TNFRSF8: variants seen among roughly 807,000 people sequenced by gnomAD.
The protein encoded by TNFRSF8 is tumor necrosis factor receptor superfamily member 8.
In TNFRSF8, 26 loss-of-function variants were observed where a neutral mutation model predicts 70.8. The ratio of observed to expected loss-of-function variants is 0.37; its 90% CI spans 0.27 to 0.51. The LOEUF is 0.51. Ranked by LOEUF, TNFRSF8 falls within the 20% of genes least tolerant of loss-of-function variation. The pLI, the probability that TNFRSF8 is intolerant of heterozygous loss-of-function variation, is 0.94. For synonymous variants in TNFRSF8, 356 were observed against 339.2 expected (o/e 1.05, Z -0.54); for missense variants, 720 against 807.9 (o/e 0.89, Z 1.32).
intron 11 of TNFRSF8, 44 bp from the exon 12 acceptor site, chr1:12,126,139 C>T: frequency 6.2e-7 from 1 of 1,614,032 alleles, no homozygotes; most frequent in Non-Finnish European, 8.5e-7. Context: ...TGCTCCTGCT[C>T]TCTGAGGCCG....
In TNFRSF8 at chr1:12,112,067, C is replaced by T. The variant is rs1185523101; in HGVS notation, c.793+53C>T. On this transcript the variant is annotated intron_variant, in intron 7 of 14. Coordinates refer to ENST00000263932, the MANE Select transcript of TNFRSF8 (RefSeq NM_001243.5). This position sits in a 1 kb window ranked among gnomAD's most constrained non-coding sequence, Gnocchi z 5.3. ...CAGTTTACCTCTCTGCATTTTTGAA[C>T]CGTGAACTTCCAGTAACTACTCCCC... 4.4e-6 allele frequency: 6 copies of T among 1,367,970 alleles called. No individual in the cohort carries two copies. In the Admixed American group the frequency reaches 9.3e-5, roughly 21 times the overall value. The allele number at this position is 1,367,970 out of a possible 1,614,324, so 84.7% of individuals were successfully genotyped here.
In TNFRSF8 at chr1:12,111,921, C is replaced by T; in HGVS notation, c.700C>T (p.Pro234Ser). 1 of 1,614,180 alleles carries T rather than the reference C, an allele frequency of 6.2e-7. No individual in the cohort carries two copies. The highest frequency in any genetic ancestry group is 8.5e-7 in the Non-Finnish European group (1 of 1,180,026). Reference protein sequence around the residue: ...DPGLSPTQPCPEGSGDCRKQC... With the variant: ...DPGLSPTQPCSEGSGDCRKQC... ...AGGTCTGTCCCCAACACAGCCATGC[C>T]CAGAGGGGTCTGGTGATTGCAGAAA... Residue 234 changes from proline to serine, a missense_variant, in exon 7 of 15, where the codon CCA becomes TCA. By Grantham distance (74) the Pro-to-Ser change is moderately conservative. Transcript: ENST00000263932.
intron 8 of TNFRSF8, among the ~76,000 whole-genome samples, chr1:12,118,769 G>A (rs1254970066): frequency 6.6e-6 from 1 of 152,222 alleles, no homozygotes; most frequent in Non-Finnish European, 1.5e-5. Flanking sequence ...TCCTCTGTAG[G>A]GAGCATGCAG....
chr1:12,090,421 C>T (rs1172118387), intron 2 of TNFRSF8, among the ~76,000 whole-genome samples: 4 of 151,684 alleles, frequency 2.6e-5, no homozygotes, highest in Admixed American at 6.6e-5. Context: ...ACCCATCTAC[C>T]CACCCATCCA....
chr1:12,129,802 C>T (rs1463713749), intron 12 of TNFRSF8, among the ~76,000 whole-genome samples: 1 of 152,204 alleles, frequency 6.6e-6, no homozygotes, highest in Non-Finnish European at 1.5e-5. Flanking sequence ...GGCCTCTCCA[C>T]TGTGACGTCT....
chr1:12,116,757 A>G (rs534735783), intron 8 of TNFRSF8, among the ~76,000 whole-genome samples: 23 of 152,026 alleles, frequency 1.5e-4, no homozygotes, highest in Non-Finnish European at 3.1e-4. Context: ...CCGAGATTGC[A>G]CCACTGAACT....
intron 12 of TNFRSF8, among the ~76,000 whole-genome samples, chr1:12,130,616 G>A (rs1227625953): frequency 1.3e-5 from 2 of 152,246 alleles, no homozygotes; most frequent in Non-Finnish European, 2.9e-5. Context: ...ACTAAAAGTG[G>A]AGAATAACAG....
chr1:12,079,017 C>T (rs1641016367), intron 1 of TNFRSF8, among the ~76,000 whole-genome samples: 1 of 152,162 alleles, frequency 6.6e-6, no homozygotes, highest in South Asian at 2.1e-4. Flanking sequence ...GTGGAGATCC[C>T]CAGGAGACAG....
intron 2 of TNFRSF8, 60 bp downstream of exon 2, chr1:12,084,611 T>A: frequency 6.9e-7 from 1 of 1,457,126 alleles, no homozygotes. Context: ...TTGATGACCC[T>A]CTTGGGGGAT....
rs1182617962 is a variant in TNFRSF8 at position 12,119,574 on chromosome 1, G to A, written c.947-3710G>A. Among the ~76,000 whole-genome samples, 2 of 143,634 alleles carry A rather than the reference G, an allele frequency of 1.4e-5. No homozygotes were observed. The highest frequency in any genetic ancestry group is 2.6e-5 in the African/African-American group (1 of 38,142). The allele number at this position is 143,634 out of a possible 152,430, so 94.2% of individuals were successfully genotyped here. A position where few individuals can be genotyped will look rare whatever the true frequency, so the allele number is the denominator to read the frequency against. ...AATATTCTTTTTTTTTTTTTAACAT[G>A]TATGAATTTATCTTATATCTTTTAT... is the stretch of plus-strand genomic sequence containing the variant. On this transcript the variant is annotated intron_variant, in intron 8 of 14. Transcript: ENST00000263932. This position sits in a 1 kb window ranked among gnomAD's most constrained non-coding sequence, Gnocchi z 4.4.
At position 12,112,328 on chromosome 1, in the gene TNFRSF8, G is replaced by A. The variant is rs1395992199; in HGVS notation, c.793+314G>A. Among the ~76,000 whole-genome samples the A allele has an allele frequency of 6.6e-6, 1 of 152,018 alleles. No individual in the cohort carries two copies. Among genetic ancestry groups the A allele is most frequent in the African/African-American group, 2.4e-5 (1 of 41,378 alleles). On this transcript the variant is annotated intron_variant, in intron 7 of 14. Coordinates refer to ENST00000263932, the MANE Select transcript of TNFRSF8 (RefSeq NM_001243.5). The surrounding 1 kb of genome is among the most constrained non-coding windows in gnomAD (Gnocchi z 5.3). ...GGCTGTGGGCTGGAGTTTGAACCCA[G>A]ACAGGTGCCACCAGGTTCCAGGTTC... is the stretch of plus-strand genomic sequence containing the variant.
intron 13 of TNFRSF8, among the ~76,000 whole-genome samples, chr1:12,136,229 C>G (rs1642142449): frequency 1.3e-5 from 2 of 152,146 alleles, no homozygotes; most frequent in Non-Finnish European, 2.9e-5. Context: ...TTCGAATATG[C>G]TTGGATGTGA....
chr1:12,109,082 C>T lies in TNFRSF8; in HGVS notation c.422-484C>T, dbSNP rs553222527. Among the ~76,000 whole-genome samples, 39 of 152,222 alleles carry T rather than the reference C, an allele frequency of 2.6e-4. No individual in the cohort carries two copies. The highest frequency in any genetic ancestry group is 4.4e-4 in the Non-Finnish European group (30 of 68,026). ...TGCCCCATCTCTCACCTCTATTTCC[C>T]TCTCTGTTGGTTCATCGGCAAGATA... On this transcript the variant is annotated intron_variant, in intron 4 of 14. Coordinates refer to ENST00000263932, the MANE Select transcript of TNFRSF8 (RefSeq NM_001243.5). This position sits in a 1 kb window ranked among gnomAD's most constrained non-coding sequence, Gnocchi z 4.4.
In TNFRSF8 at chr1:12,084,446, G is replaced by A; in HGVS notation, c.64-18G>A. 1 of 1,613,532 alleles carries A rather than the reference G, an allele frequency of 6.2e-7. No homozygotes were observed. The highest frequency in any genetic ancestry group is 8.5e-7 in the Non-Finnish European group (1 of 1,179,542). On this transcript the variant is annotated intron_variant, in intron 1 of 14. Transcript: ENST00000263932. ...ATCTGGGATCCACCTGGCCTCACCA[G>A]CTTTTCTGACCTGCCAGGATCGACC...
chr1:12,076,148 T>G (rs1401147938), intron 1 of TNFRSF8, among the ~76,000 whole-genome samples: 1 of 147,634 alleles, frequency 6.8e-6, no homozygotes, highest in Non-Finnish European at 1.5e-5. Flanking sequence ...TTGCCCAGGC[T>G]GGAGTGCAGT....
intron 14 of TNFRSF8, among the ~76,000 whole-genome samples, chr1:12,139,260 C>T (rs1272765984): frequency 5.9e-5 from 9 of 152,174 alleles, no homozygotes; most frequent in Non-Finnish European, 7.4e-5. Context: ...TGTAGCTCCC[C>T]GACCAGACTC....
Position 12,110,242 on chromosome 1 carries a change from G to T in TNFRSF8, c.676+38G>T. The T allele has an allele frequency of 1.3e-6, 2 of 1,534,700 alleles. No individual in the cohort carries two copies. Among genetic ancestry groups the T allele is most frequent in the Admixed American group, 1.9e-5 (1 of 51,500 alleles). ...TGAAGCTGTGGGTCGTCTCCCTGGG[G>T]TGCTCGATTGGTGGATGGCCCATGA... On this transcript the variant is annotated intron_variant, in intron 6 of 14. Transcript: ENST00000263932. The surrounding 1 kb of genome is among the most constrained non-coding windows in gnomAD (Gnocchi z 4.0).
At chr1:12,135,511 A>G in intron 12 of TNFRSF8, 77 bp from the exon 13 acceptor site, 1 of 1,302,938 alleles carries the variant, frequency 7.7e-7, no homozygotes, top group Non-Finnish European at 1.0e-6. Flanking sequence ...CAGGAGGACC[A>G]TTTGCCAATA....
intron 1 of TNFRSF8, among the ~76,000 whole-genome samples, chr1:12,065,078 C>T (rs906195174): frequency 6.8e-5 from 6 of 88,254 alleles, no homozygotes; most frequent in Non-Finnish European, 8.0e-5. Context: ...CATACCAAAC[C>T]TTTTTTTTTT....
Sources: gnomAD v4.1 joint callset for allele counts (sites outside exome capture counted in the v4.1 genomes callset) on GRCh38, gnomAD v4.1.1 for gene constraint, Gnocchi (gnomAD v3.1) non-coding constraint, MANE v1.5 for transcripts, NCBI Gene and HGNC (gene_info 2026-07-23, HGNC 2026-07-21) for gene names.